EXOC4: variants seen among roughly 807,000 people sequenced by gnomAD.
EXOC4 encodes the protein SEC8-like 1.
EXOC4 carries 71 observed loss-of-function variants against 107.2 expected under a neutral mutation model. That is an observed-to-expected ratio of 0.66 (90% CI 0.55 to 0.81). The LOEUF (loss-of-function observed/expected upper bound fraction) is 0.81. Among genes scored for constraint, EXOC4 ranks in the 30% least tolerant of loss-of-function variants. EXOC4 has a pLI of 0.00. For synonymous variants in EXOC4, 456 were observed against 441.2 expected, an observed-to-expected ratio of 1.03 and a Z score of -0.42; for missense variants, 1,108 against 1,189.6, an observed-to-expected ratio of 0.93 and a Z score of 1.01.
intron 9 of EXOC4, among the ~76,000 whole-genome samples, chr7:133,506,890 C>G (rs1036482772): frequency 2.6e-5 from 4 of 151,956 alleles, no homozygotes; most frequent in Non-Finnish European, 5.9e-5. Flanking sequence ...AAAATAATCC[C>G]TAACACCTCT....
At chr7:133,717,699 A>G (rs559557704) in intron 10 of EXOC4, among the ~76,000 whole-genome samples, 1 of 152,304 alleles carries the variant, frequency 6.6e-6, no homozygotes, top group South Asian at 2.1e-4. Context: ...ACAACAAGCA[A>G]ATATACATTA....
chr7:133,889,278 C>T (rs1366891062), intron 11 of EXOC4, among the ~76,000 whole-genome samples: 1 of 151,958 alleles, frequency 6.6e-6, no homozygotes, highest in East Asian at 1.9e-4. Context: ...AATCCCTATT[C>T]TGTGTCCTTC....
At chr7:133,585,472 C>A (rs193001879) in intron 9 of EXOC4, among the ~76,000 whole-genome samples, 210 of 152,204 alleles carry the variant, frequency 1.4e-3, no homozygotes, top group African/African-American at 4.8e-3. Flanking sequence ...ACAAGAATCA[C>A]TGTCATTGGC....
chr7:133,612,466 A>C (rs1802094440), intron 9 of EXOC4, among the ~76,000 whole-genome samples: 1 of 152,094 alleles, frequency 6.6e-6, no homozygotes, highest in African/African-American at 2.4e-5. Context: ...AGTTCTGGGG[A>C]AAGAGTGTTG....
At chr7:133,903,597 G>A (rs2116566774) in intron 12 of EXOC4, among the ~76,000 whole-genome samples, 1 of 152,320 alleles carries the variant, frequency 6.6e-6, no homozygotes, top group East Asian at 1.9e-4. Flanking sequence ...GATGCTGCAG[G>A]TCTAGGCAAG....
chr7:133,459,167 G>GT (rs1310084508), intron 7 of EXOC4, among the ~76,000 whole-genome samples: 2 of 152,166 alleles, frequency 1.3e-5, no homozygotes, highest in Non-Finnish European at 2.9e-5. Flanking sequence ...AACATGGTTG[G>GT]TATTTAAATA....
chr7:134,071,697 A>G, the EXOC4 span, among the ~76,000 whole-genome samples: 1 of 152,318 alleles, frequency 6.6e-6, no homozygotes, highest in East Asian at 1.9e-4. Flanking sequence ...AAGTTAAGCT[A>G]TACACTAAAT....
chr7:133,535,312 T>A (rs758625908), intron 9 of EXOC4, among the ~76,000 whole-genome samples: 1 of 152,208 alleles, frequency 6.6e-6, no homozygotes, highest in African/African-American at 2.4e-5. Context: ...AATGCAGGCC[T>A]TCTGACTTCA....
At chr7:133,983,011 G>A (rs923877578) in intron 14 of EXOC4, among the ~76,000 whole-genome samples, 14 of 152,162 alleles carry the variant, frequency 9.2e-5, no homozygotes, top group Non-Finnish European at 2.1e-4. Flanking sequence ...AGATTTAATT[G>A]GCTCATGTTT....
At chr7:133,483,981 C>A in intron 9 of EXOC4, 1 of 1,580,438 alleles carries the variant, frequency 6.3e-7, no homozygotes, top group Non-Finnish European at 8.7e-7. Flanking sequence ...CACCATATAG[C>A]GGCAGGCTTT....
intron 11 of EXOC4, among the ~76,000 whole-genome samples, chr7:133,883,134 C>T (rs894976817): frequency 6.6e-6 from 1 of 152,038 alleles, no homozygotes; most frequent in African/African-American, 2.4e-5. Flanking sequence ...ACAATAATAA[C>T]AAAATTATCC....
intron 14 of EXOC4, among the ~76,000 whole-genome samples, chr7:133,962,884 CTG>C (rs1171997699): frequency 6.6e-6 from 1 of 152,212 alleles, no homozygotes; most frequent in Non-Finnish European, 1.5e-5. Context: ...TAATTCCACA[CTG>C]TGGCTGAGAT....
chr7:133,644,832 A>G (rs1338434912), intron 10 of EXOC4, among the ~76,000 whole-genome samples: 1 of 152,058 alleles, frequency 6.6e-6, no homozygotes, highest in Non-Finnish European at 1.5e-5. Flanking sequence ...GAATCTTTTC[A>G]TTTAGTAAGT....
At chr7:133,516,632 G>A (rs1799880275) in intron 9 of EXOC4, among the ~76,000 whole-genome samples, 1 of 151,958 alleles carries the variant, frequency 6.6e-6, no homozygotes. Flanking sequence ...TAACATTCAT[G>A]TGCAGGTGCA....
chr7:134,090,988 C>T, the EXOC4 span, among the ~76,000 whole-genome samples: 2 of 151,938 alleles, frequency 1.3e-5, no homozygotes, highest in South Asian at 2.1e-4. Flanking sequence ...ACCCCACTTA[C>T]CCAAAGTCAG....
intron 9 of EXOC4, among the ~76,000 whole-genome samples, chr7:133,602,891 T>C (rs1280963704): frequency 6.6e-6 from 1 of 152,138 alleles, no homozygotes; most frequent in Non-Finnish European, 1.5e-5. Flanking sequence ...TTATATAATA[T>C]GTAGGAAAAA....
chr7:133,484,355 T>C (rs1799226270), intron 9 of EXOC4, among the ~76,000 whole-genome samples: 1 of 152,186 alleles, frequency 6.6e-6, no homozygotes, highest in Non-Finnish European at 1.5e-5. Flanking sequence ...CTTGTGGGTG[T>C]GTCAGTGTTA....
intron 7 of EXOC4, among the ~76,000 whole-genome samples, chr7:133,472,654 A>G (rs936823215): frequency 6.6e-6 from 1 of 152,168 alleles, no homozygotes; most frequent in Non-Finnish European, 1.5e-5. Flanking sequence ...GGAACAGTAG[A>G]TGTAAAGGCT....
intron 9 of EXOC4, among the ~76,000 whole-genome samples, chr7:133,568,198 G>A (rs6954758): frequency 1 from 151,439 of 152,176 alleles, 75,359 homozygotes; most frequent in East Asian, 1. Context: ...ATTATTTTGA[G>A]TAATTTTCAG....
Sources: allele counts gnomAD v4.1 joint callset (sites outside exome capture counted in the v4.1 genomes callset), GRCh38; gene constraint gnomAD v4.1.1; transcripts MANE v1.5; gene names NCBI Gene and HGNC (gene_info 2026-07-23, HGNC 2026-07-21).